SLC25A23: variants seen among roughly 807,000 people sequenced by gnomAD.
The protein encoded by SLC25A23 is solute carrier family 25 member 23.
Under a neutral mutation model 53.9 loss-of-function variants are expected in SLC25A23, and 32 were observed. The observed-to-expected ratio is 0.59, with a 90% CI of 0.45 to 0.80. The LOEUF (loss-of-function observed/expected upper bound fraction) is 0.80, where lower values mean the gene tolerates loss of function less well. SLC25A23 is among the 30% of genes least tolerant of loss of function. The pLI is 0.00. For synonymous variants in SLC25A23, 275 were observed against 264.5 expected, an observed-to-expected ratio of 1.04 and a Z score of -0.38; for missense variants, 575 against 651.4, an observed-to-expected ratio of 0.88 and a Z score of 1.28.
chr19:6,436,739 G>A (rs773759484), downstream of SLC25A23, among the ~76,000 whole-genome samples: 12 of 152,002 alleles, frequency 7.9e-5, no homozygotes, highest in South Asian at 2.1e-4. Flanking sequence ...TAGTAGAGAC[G>A]GGGTTGCCAT....
At chr19:6,458,352 G>A (rs780415362) in intron 1 of SLC25A23, 28 bp from the exon 2 acceptor site, 1 of 1,606,874 alleles carries the variant, frequency 6.2e-7, no homozygotes, top group Non-Finnish European at 8.5e-7. Context: ...GATAGAGGTG[G>A]CTCCAGGAAC....
intron 1 of SLC25A23, among the ~76,000 whole-genome samples, chr19:6,458,558 G>A (rs1394481676): frequency 6.6e-6 from 1 of 152,202 alleles, no homozygotes; most frequent in Non-Finnish European, 1.5e-5. Flanking sequence ...GCAAACTGAG[G>A]CTCTGCAAGG....
At position 6,458,293 on chromosome 19, in the gene SLC25A23, T is replaced by C. The variant is rs1244868976; in HGVS notation, c.188A>G (p.Asp63Gly). Reference protein sequence around the residue: ...GISSEGDADPDGGLDLEEFSR... With the variant: ...GISSEGDADPGGGLDLEEFSR... ...AAATTCCTCCAGGTCGAGCCCGCCA[T>C]CTGGGTCAGCATCACCCTCAGAGGA... is the stretch of plus-strand genomic sequence containing the variant. Residue 63 changes from aspartate to glycine, a missense_variant, in exon 2 of 10, where the codon GAT (aspartate) becomes GGT (glycine). Coordinates refer to ENST00000301454, the MANE Select transcript of SLC25A23 (RefSeq NM_024103.3). The C allele has an allele frequency of 1.2e-6, 2 of 1,613,172 alleles. No homozygotes were observed. The highest frequency in any genetic ancestry group is 4.5e-5 in the East Asian group (2 of 44,886).
intron 8 of SLC25A23, among the ~76,000 whole-genome samples, chr19:6,447,438 G>A (rs183677444): frequency 2.5e-3 from 372 of 151,702 alleles, no homozygotes; most frequent in African/African-American, 8.5e-3. Flanking sequence ...GAGTAGCCAG[G>A]ATTACAGCTG....
Position 6,441,898 on chromosome 19 carries a change from A to AT in SLC25A23, c.*76dup. 1.4e-6 allele frequency: 2 copies of AT among 1,399,044 alleles called. No individual in the cohort carries two copies. Among genetic ancestry groups the AT allele is most frequent in the Non-Finnish European group, 2.0e-6 (2 of 1,003,150 alleles). The allele number at this position is 1,399,044 out of a possible 1,614,324, so 86.7% of individuals were successfully genotyped here. A position where few individuals can be genotyped will look rare whatever the true frequency, so the allele number is the denominator to read the frequency against. ...GGGATCTCGTGGCCAAAGAGTAGGGATCCTGTGGTTGGATCATCAGTCTCC... is the reference window on the plus strand; with the variant it reads ...GGGATCTCGTGGCCAAAGAGTAGGGATTCCTGTGGTTGGATCATCAGTCTCC... On this transcript the variant is annotated 3_prime_UTR_variant, in exon 10 of 10. Coordinates refer to ENST00000301454, the MANE Select transcript of SLC25A23 (RefSeq NM_024103.3).
intron 8 of SLC25A23, among the ~76,000 whole-genome samples, chr19:6,450,851 G>C (rs1171397314): frequency 6.6e-6 from 1 of 152,024 alleles, no homozygotes; most frequent in African/African-American, 2.4e-5. Flanking sequence ...AGGCTGAGGT[G>C]GGGGGATCCC....
At chr19:6,443,384 G>A (rs2092453073) in intron 9 of SLC25A23, among the ~76,000 whole-genome samples, 1 of 152,192 alleles carries the variant, frequency 6.6e-6, no homozygotes, top group Non-Finnish European at 1.5e-5. Context: ...ACCACGCCTG[G>A]CTAATTTATT....
chr19:6,455,403 A>C (rs348365), intron 4 of SLC25A23, among the ~76,000 whole-genome samples: 1 of 151,672 alleles, frequency 6.6e-6, no homozygotes, highest in Non-Finnish European at 1.5e-5. Context: ...TCCCCTATAA[A>C]GACCCCAGCA....
rs778473826 is a variant in SLC25A23 at position 6,454,579 on chromosome 19, G to A, written c.622C>T (p.Arg208Cys). Residue 208 changes from arginine to cysteine, a missense_variant, in exon 5 of 10, where the codon CGC becomes TGC. Physicochemically the swap from Arg to Cys is radical, Grantham distance 180. Transcript: ENST00000301454. The surrounding 1 kb of genome is among the most constrained non-coding windows in gnomAD (Gnocchi z 4.3). ...CTCACCTGCATGAAGACCTTGAGGC[G>A]GTCCAGAGGGGCCGTGCCTGTCCGT... ...VSRTGTAPLDRLKVFMQVHAS... is the reference protein window; with the variant it reads ...VSRTGTAPLDCLKVFMQVHAS... 12 of 1,613,644 alleles carry A rather than the reference G, an allele frequency of 7.4e-6. No individual in the cohort carries two copies. The highest frequency in any genetic ancestry group is 1.3e-5 in the African/African-American group (1 of 74,932).
At chr19:6,436,828 G>T (rs1277974548), downstream of SLC25A23, among the ~76,000 whole-genome samples, 1 of 150,260 alleles carries the variant, frequency 6.7e-6, no homozygotes, top group African/African-American at 2.5e-5. Context: ...GATTATAGAC[G>T]TGAGCCACTG....
In SLC25A23 at chr19:6,459,683, T is replaced by A; in HGVS notation, c.-55A>T. 8.0e-7 allele frequency: 1 copy of A among 1,253,028 alleles called. No individual in the cohort carries two copies. The highest frequency in any genetic ancestry group is 1.0e-6 in the Non-Finnish European group (1 of 999,806). 77.6% of individuals were successfully genotyped at this position (1,253,028 alleles called of 1,614,324 possible). Reference sequence around the variant, plus strand: ...GGCAGCGGCGGCCTCAGTGGGGGCTTCGCGGCTCCCCCTCCCCCCCCGGGA... The same window carrying A: ...GGCAGCGGCGGCCTCAGTGGGGGCTACGCGGCTCCCCCTCCCCCCCCGGGA... On this transcript the variant is annotated 5_prime_UTR_variant, in exon 1 of 10. Transcript: ENST00000301454. This position sits in a 1 kb window ranked among gnomAD's most constrained non-coding sequence, Gnocchi z 4.6.
chr19:6,442,389 A>G (rs1269911073), intron 9 of SLC25A23, among the ~76,000 whole-genome samples: 2 of 152,110 alleles, frequency 1.3e-5, no homozygotes, highest in East Asian at 3.9e-4. Flanking sequence ...ATGGGTGTGC[A>G]AGGTGAGAAA....
At chr19:6,456,108 G>A (rs769693197) in intron 4 of SLC25A23, 8 of 1,401,392 alleles carry the variant, frequency 5.7e-6, no homozygotes, top group Middle Eastern at 1.9e-4. Context: ...TGGGTGGAAG[G>A]TGGGAGGCCT....
At chr19:6,456,343 C>A in intron 4 of SLC25A23, 77 bp downstream of exon 4, 1 of 1,435,078 alleles carries the variant, frequency 7.0e-7, no homozygotes, top group South Asian at 1.2e-5. Context: ...CCCATCCAAG[C>A]CCTGGGGAGA....
chr19:6,448,319 T>C (rs60073607), intron 8 of SLC25A23, among the ~76,000 whole-genome samples: 1,857 of 152,302 alleles, frequency 0.012, 41 homozygotes, highest in African/African-American at 0.044. Context: ...AGGCAAGTAC[T>C]TAACATTATT....
Position 6,454,785 on chromosome 19 carries a change from A to T in SLC25A23, c.484-68T>A. 1 of 1,560,288 alleles carries T rather than the reference A, an allele frequency of 6.4e-7. No individual in the cohort carries two copies. On this transcript the variant is annotated intron_variant, in intron 4 of 9. Transcript: ENST00000301454. This position sits in a 1 kb window ranked among gnomAD's most constrained non-coding sequence, Gnocchi z 4.3. ...AGGGAGATGTGACTCAGTCCTAAATAGGGGAGTCTCCTCTATGAATCCTAG... is the reference window on the plus strand; with the variant it reads ...AGGGAGATGTGACTCAGTCCTAAATTGGGGAGTCTCCTCTATGAATCCTAG...
At position 6,454,492 on chromosome 19, in the gene SLC25A23, C is replaced by A; in HGVS notation, c.643-17G>T. On this transcript the variant is annotated splice_polypyrimidine_tract_variant and intron_variant, in intron 5 of 9. Coordinates refer to ENST00000301454, the MANE Select transcript of SLC25A23 (RefSeq NM_024103.3). This position sits in a 1 kb window ranked among gnomAD's most constrained non-coding sequence, Gnocchi z 4.3. Reference sequence around the variant, plus strand: ...GGCATGGACCTGAATGGGGAGACAACAGCTTGGAGGTCCCCTCCCAGGTGT... The same window carrying A: ...GGCATGGACCTGAATGGGGAGACAAAAGCTTGGAGGTCCCCTCCCAGGTGT... The A allele has an allele frequency of 6.2e-7, 1 of 1,613,790 alleles. No homozygotes were observed. The highest frequency in any genetic ancestry group is 8.5e-7 in the Non-Finnish European group (1 of 1,179,918).
chr19:6,445,942 T>C (rs1160565167), intron 8 of SLC25A23, among the ~76,000 whole-genome samples: 4 of 151,918 alleles, frequency 2.6e-5, no homozygotes, highest in Middle Eastern at 3.4e-3. Flanking sequence ...CTGGATGTGA[T>C]GGTGCATGCC....
intron 8 of SLC25A23, among the ~76,000 whole-genome samples, chr19:6,448,250 C>T (rs2144885936): frequency 6.6e-6 from 1 of 152,298 alleles, no homozygotes; most frequent in South Asian, 2.1e-4. Flanking sequence ...TTGTGTTGAG[C>T]AGGACTCAGT....
Sources: gnomAD v4.1 joint callset for allele counts (sites outside exome capture counted in the v4.1 genomes callset) on GRCh38, gnomAD v4.1.1 for gene constraint, Gnocchi (gnomAD v3.1) non-coding constraint, MANE v1.5 for transcripts, NCBI Gene and HGNC (gene_info 2026-07-23, HGNC 2026-07-21) for gene names.